Variants in VWA3B observed in about 807,000 individuals in gnomAD.
The protein encoded by VWA3B is von Willebrand factor A domain containing 3B, also known as von Willebrand factor A domain-containing protein 3B.
VWA3B carries 138 observed loss-of-function variants against 158.3 expected under a neutral mutation model. That is an observed-to-expected ratio of 0.87 (90% CI 0.76 to 1.00). The LOEUF is 1.00. VWA3B is among the 50% of genes least tolerant of loss of function. The probability of loss-of-function intolerance (pLI) is 0.00; values close to 1 mark genes in which losing one functional copy is unlikely to be tolerated. For synonymous variants in VWA3B, 596 were observed against 587.3 expected, an observed-to-expected ratio of 1.01 and a Z score of -0.21; for missense variants, 1,555 against 1,565.1, an observed-to-expected ratio of 0.99 and a Z score of 0.11.
At chr2:98,250,459 C>T in intron 20 of VWA3B, 23 bp downstream of exon 20, 1 of 1,522,700 alleles carries the variant, frequency 6.6e-7, no homozygotes, top group Non-Finnish European at 9.0e-7. Context: ...CTTGGCTGCT[C>T]TTTAATGGAT....
chr2:98,270,657 G>C (rs62157894), intron 21 of VWA3B, 25 bp from the exon 22 acceptor site: 2 of 1,595,888 alleles, frequency 1.3e-6, no homozygotes, highest in Non-Finnish European at 1.7e-6. Flanking sequence ...TCCTCTGTTT[G>C]TTTGTTTGTT....
intron 21 of VWA3B, among the ~76,000 whole-genome samples, chr2:98,267,360 G>T (rs1229040065): frequency 1.3e-5 from 2 of 151,946 alleles, no homozygotes; most frequent in African/African-American, 4.8e-5. Context: ...TTATTGATTT[G>T]CATATATTGA....
intron 22 of VWA3B, among the ~76,000 whole-genome samples, chr2:98,275,005 C>T (rs993394489): frequency 6.6e-6 from 1 of 152,220 alleles, no homozygotes; most frequent in African/African-American, 2.4e-5. Flanking sequence ...CCTGGCCAGC[C>T]TATCCCATCA....
chr2:98,303,276 G>A (rs2105995857), intron 25 of VWA3B, among the ~76,000 whole-genome samples: 1 of 152,202 alleles, frequency 6.6e-6, no homozygotes, highest in South Asian at 2.1e-4. Context: ...GGGTGGAGGT[G>A]GGTGTGGCAG....
chr2:98,278,047 A>T (rs949788547), intron 22 of VWA3B, among the ~76,000 whole-genome samples: 6 of 151,972 alleles, frequency 3.9e-5, no homozygotes, highest in Admixed American at 3.3e-4. Flanking sequence ...ACTAGTAAAA[A>T]CTTTAGTCTG....
At chr2:98,174,942 G>A (rs1679881134) in intron 8 of VWA3B, among the ~76,000 whole-genome samples, 1 of 152,230 alleles carries the variant, frequency 6.6e-6, no homozygotes. Context: ...TGAGTTAACT[G>A]AGCAGAGACT....
At chr2:98,158,975 A>G (rs1678344609) in intron 7 of VWA3B, among the ~76,000 whole-genome samples, 2 of 152,136 alleles carry the variant, frequency 1.3e-5, no homozygotes, top group South Asian at 4.2e-4. Context: ...TACTTGCCAA[A>G]TGACCGTATT....
chr2:98,305,008 T>G (rs1408466051), intron 26 of VWA3B, among the ~76,000 whole-genome samples: 1 of 152,124 alleles, frequency 6.6e-6, no homozygotes, highest in Non-Finnish European at 1.5e-5. Context: ...AAGAAACTGC[T>G]TCCACAGAGG....
At chr2:98,209,003 G>T (rs1447353856) in intron 12 of VWA3B, among the ~76,000 whole-genome samples, 6 of 152,078 alleles carry the variant, frequency 3.9e-5, no homozygotes, top group Non-Finnish European at 4.4e-5. Context: ...ATGATTCATG[G>T]CTGGCAGTTA....
intron 19 of VWA3B, among the ~76,000 whole-genome samples, chr2:98,238,829 C>T (rs1685876668): frequency 6.6e-6 from 1 of 152,008 alleles, no homozygotes. Context: ...TATGCAAACA[C>T]ACATGCACAT....
At chr2:98,228,024 G>T (rs908515904) in intron 14 of VWA3B, among the ~76,000 whole-genome samples, 178 bp from the exon 15 acceptor site, 1 of 152,118 alleles carries the variant, frequency 6.6e-6, no homozygotes, top group Non-Finnish European at 1.5e-5. Context: ...TTTTCTGGCC[G>T]TGTGCTGTAG....
chr2:98,153,918 A>G (rs935605275), intron 7 of VWA3B, among the ~76,000 whole-genome samples: 3 of 152,068 alleles, frequency 2.0e-5, no homozygotes, highest in Non-Finnish European at 2.9e-5. Flanking sequence ...CTGGAGTGCA[A>G]TGGCGCAATC....
chr2:98,266,367 G>A (rs1323918987), intron 21 of VWA3B, among the ~76,000 whole-genome samples: 29 of 150,646 alleles, frequency 1.9e-4, no homozygotes, highest in East Asian at 5.9e-4. Flanking sequence ...GATATGTGGC[G>A]TTATTTCTGA....
intron 7 of VWA3B, among the ~76,000 whole-genome samples, chr2:98,159,554 A>C (rs888193492): frequency 1.3e-5 from 2 of 151,952 alleles, no homozygotes; most frequent in Admixed American, 6.6e-5. Context: ...CGGCCTTCAA[A>C]TTGTTACCAG....
At chr2:98,317,331 A>C (rs56142304), downstream of VWA3B, among the ~76,000 whole-genome samples, 45 of 150,862 alleles carry the variant, frequency 3.0e-4, no homozygotes, top group Middle Eastern at 3.4e-3. Flanking sequence ...AAAATTCTAA[A>C]CCCCCCCCAG....
chr2:98,150,560 A>C (rs763007199), intron 7 of VWA3B, among the ~76,000 whole-genome samples: 8 of 152,208 alleles, frequency 5.3e-5, no homozygotes, highest in Non-Finnish European at 1.0e-4. Flanking sequence ...CCTGCCCACT[A>C]GGGATCAAGT....
In VWA3B at chr2:98,312,415, G is replaced by T. The variant is rs374094193; in HGVS notation, c.*66G>T. 1 of 1,534,436 alleles carries T rather than the reference G, an allele frequency of 6.5e-7. No homozygotes were observed. Among genetic ancestry groups the T allele is most frequent in the South Asian group, 1.3e-5 (1 of 78,528 alleles). The stretch of plus-strand genomic sequence containing the variant: ...TCCAGGCTGTTCAGACCTCAGCGTT[G>T]ACACTGAAACTGGCCCCTCCGCGGA... On this transcript the variant is annotated 3_prime_UTR_variant, in exon 28 of 28. Transcript: ENST00000477737.
intron 26 of VWA3B, 59 bp downstream of exon 26, chr2:98,303,861 T>C: frequency 6.5e-7 from 1 of 1,528,894 alleles, no homozygotes; most frequent in South Asian, 1.1e-5. Flanking sequence ...ACCTTTAATC[T>C]GTTTTTGAGA....
intron 22 of VWA3B, 93 bp downstream of exon 22, chr2:98,270,976 C>A: frequency 8.2e-7 from 1 of 1,225,374 alleles, no homozygotes; most frequent in Non-Finnish European, 1.1e-6. Context: ...GTCTCCCACT[C>A]CCCGCCACAC....
Sources: allele counts gnomAD v4.1 joint callset (sites outside exome capture counted in the v4.1 genomes callset), GRCh38; gene constraint gnomAD v4.1.1; transcripts MANE v1.5; gene names NCBI Gene and HGNC (gene_info 2026-07-23, HGNC 2026-07-21).